The following CCNH variants were observed in gnomAD, a reference collection of about 807,000 sequenced individuals.
The protein encoded by CCNH is cyclin-H.
A neutral mutation model predicts 41.9 loss-of-function variants in CCNH; 31 were observed. The observed-to-expected ratio is 0.74, with a 90% CI of 0.56 to 1.00. The LOEUF (loss-of-function observed/expected upper bound fraction) is 1.00. Among genes scored for constraint, CCNH ranks in the 50% least tolerant of loss-of-function variants. The pLI is 0.00. For synonymous variants in CCNH, 138 were observed against 136.1 expected, an observed-to-expected ratio of 1.01 and a Z score of -0.10; for missense variants, 362 against 388.4, an observed-to-expected ratio of 0.93 and a Z score of 0.57.
intron 6 of CCNH, among the ~76,000 whole-genome samples, chr5:87,399,823 C>T (rs1763261557): frequency 6.6e-6 from 1 of 152,032 alleles, no homozygotes; most frequent in Non-Finnish European, 1.5e-5. Context: ...AAAAAAAAAT[C>T]CCTAAATGAT....
At chr5:87,371,670 G>A (rs6891010), downstream of CCNH, among the ~76,000 whole-genome samples, 1,803 of 152,026 alleles carry the variant, frequency 0.012, 28 homozygotes, top group African/African-American at 0.041. Flanking sequence ...TCATGGGATC[G>A]GTCATCACAT....
downstream of CCNH, chr5:87,391,033 G>T (rs902202754): frequency 9.6e-5 from 76 of 792,450 alleles, no homozygotes; most frequent in Admixed American, 1.5e-3. Context: ...CCAAGATTCT[G>T]CTGGTGAATA....
intron 7 of CCNH, among the ~76,000 whole-genome samples, chr5:87,395,448 G>A (rs750308077): frequency 3.9e-5 from 6 of 151,998 alleles, no homozygotes; most frequent in African/African-American, 1.2e-4. Context: ...CAAAAGCTAC[G>A]GTAATTAAAA....
downstream of CCNH, chr5:87,391,307 G>A (rs191725379): frequency 4.1e-5 from 14 of 342,718 alleles, no homozygotes; most frequent in South Asian, 6.2e-4. Flanking sequence ...TAACTGGATT[G>A]CAGACTGTTC....
At chr5:87,365,765 A>AT (rs944978349) in intron 9 of CCNH, among the ~76,000 whole-genome samples, 7 of 151,648 alleles carry the variant, frequency 4.6e-5, no homozygotes, top group East Asian at 3.9e-4. Context: ...TAATTGCTAA[A>AT]TTTTTTTTTA....
chr5:87,342,345 G>A (rs1758535060), intron 9 of CCNH, among the ~76,000 whole-genome samples: 1 of 151,950 alleles, frequency 6.6e-6, no homozygotes, highest in South Asian at 2.1e-4. Context: ...CTTTAGTAGA[G>A]ATGCGGTTTT....
chr5:87,393,176 A>G (rs201976509), downstream of CCNH, among the ~76,000 whole-genome samples: 2 of 152,262 alleles, frequency 1.3e-5, no homozygotes, highest in South Asian at 2.1e-4. Context: ...AGATGTAACT[A>G]TAATGGTACC....
chr5:87,333,278 T>C lies in CCNH; in HGVS notation c.*91-14381A>G. ...TTTATGGTTTCTAGCCAGTAGAAGATAGAAGGCGTGTACGAGCTATTCTAC... is the reference window on the plus strand; with the variant it reads ...TTTATGGTTTCTAGCCAGTAGAAGACAGAAGGCGTGTACGAGCTATTCTAC... On this transcript the variant is annotated intron_variant and NMD_transcript_variant, in intron 9 of 9. Coordinates refer to the CCNH transcript ENST00000645953. The C allele has an allele frequency of 2.5e-6, 4 of 1,613,074 alleles. No individual in the cohort carries two copies. Among genetic ancestry groups the C allele is most frequent in the Admixed American group, 1.7e-5 (1 of 59,974 alleles).
upstream of CCNH, chr5:87,378,416 C>T (rs1463885690): frequency 1.2e-6 from 2 of 1,612,502 alleles, no homozygotes; most frequent in South Asian, 1.1e-5. Flanking sequence ...TACCCTATTT[C>T]GAGCCACAAC....
chr5:87,372,879 G>A (rs1015516174), downstream of CCNH, among the ~76,000 whole-genome samples: 3 of 152,262 alleles, frequency 2.0e-5, no homozygotes, highest in Admixed American at 1.3e-4. Context: ...GATAAGCTGA[G>A]TGATTAACAT....
intron 9 of CCNH, among the ~76,000 whole-genome samples, chr5:87,321,803 C>G (rs1017227359): frequency 4.6e-5 from 7 of 152,160 alleles, no homozygotes; most frequent in Non-Finnish European, 8.8e-5. Context: ...TTCATGACAT[C>G]AGCACTTTCC....
intron 9 of CCNH, among the ~76,000 whole-genome samples, chr5:87,322,986 G>A (rs1004063420): frequency 3.9e-5 from 6 of 152,246 alleles, no homozygotes; most frequent in Admixed American, 6.5e-5. Context: ...TCACCTTAAG[G>A]TGAAGATTCT....
chr5:87,341,291 G>A, intron 9 of CCNH: 1 of 1,347,886 alleles, frequency 7.4e-7, no homozygotes, highest in Admixed American at 3.4e-5. Flanking sequence ...TCCCTTTAGG[G>A]CCGGGAAGAA....
chr5:87,325,649 A>G (rs1757175473), intron 9 of CCNH, among the ~76,000 whole-genome samples: 1 of 152,238 alleles, frequency 6.6e-6, no homozygotes, highest in African/African-American at 2.4e-5. Flanking sequence ...TAATATAACC[A>G]AAAGGAAAAA....
chr5:87,338,378 C>T (rs924069296), intron 9 of CCNH, among the ~76,000 whole-genome samples: 1 of 150,212 alleles, frequency 6.7e-6, no homozygotes, highest in Non-Finnish European at 1.5e-5. Context: ...GTTACCCAGG[C>T]TAGAGTGCAG....
downstream of CCNH, chr5:87,393,564 T>C (rs1762678138): frequency 6.6e-6 from 1 of 152,212 alleles, no homozygotes; most frequent in Non-Finnish European, 1.5e-5. Flanking sequence ...CATATTTTTA[T>C]ATTGACTCAT....
chr5:87,406,421 T>C (rs1285639253), intron 4 of CCNH, among the ~76,000 whole-genome samples: 1 of 152,184 alleles, frequency 6.6e-6, no homozygotes, highest in African/African-American at 2.4e-5. Flanking sequence ...GTTCTTCCTC[T>C]GTCTTCATCT....
At chr5:87,402,474 A>G (rs2112564068) in intron 5 of CCNH, among the ~76,000 whole-genome samples, 2 of 152,322 alleles carry the variant, frequency 1.3e-5, no homozygotes, top group South Asian at 4.1e-4. Context: ...CCTATGATTG[A>G]TAAAAGGCGA....
downstream of CCNH, among the ~76,000 whole-genome samples, chr5:87,387,311 A>G (rs185815733): frequency 2.6e-5 from 4 of 152,264 alleles, no homozygotes; most frequent in Non-Finnish European, 5.9e-5. Context: ...TAGACTGAAA[A>G]GTCTTCTTTT....
Sources: gnomAD v4.1 joint callset for allele counts (sites outside exome capture counted in the v4.1 genomes callset) on GRCh38, gnomAD v4.1.1 for gene constraint, MANE v1.5 for transcripts, NCBI Gene and HGNC (gene_info 2026-07-23, HGNC 2026-07-21) for gene names.